TMEM38B: variants seen among roughly 807,000 people sequenced by gnomAD.
TMEM38B encodes the protein transmembrane protein 38B, also known as trimeric intracellular cation channel type B.
A neutral mutation model predicts 28.7 loss-of-function variants in TMEM38B; 24 were observed. The ratio of observed to expected loss-of-function variants is 0.84; its 90% CI spans 0.61 to 1.18. The LOEUF is 1.18. Ranked by LOEUF, TMEM38B falls within the 50% of genes most tolerant of loss-of-function variation. The pLI, the probability that TMEM38B is intolerant of heterozygous loss-of-function variation, is 0.00. For synonymous variants in TMEM38B, 131 were observed against 127.7 expected, an observed-to-expected ratio of 1.03 and a Z score of -0.17; for missense variants, 380 against 350.9, an observed-to-expected ratio of 1.08 and a Z score of -0.66.
intron 1 of TMEM38B, among the ~76,000 whole-genome samples, chr9:105,703,264 C>G (rs1211227198): frequency 3.3e-5 from 5 of 152,276 alleles, no homozygotes; most frequent in African/African-American, 1.2e-4. Context: ...GCGGGTGAAT[C>G]ACTTGAGGCC....
At chr9:105,697,656 A>G (rs994878446) in intron 1 of TMEM38B, among the ~76,000 whole-genome samples, 4 of 151,826 alleles carry the variant, frequency 2.6e-5, no homozygotes, top group East Asian at 1.9e-4. Context: ...TATTCATTCT[A>G]TTTATGTCTG....
At chr9:105,756,292 G>A (rs1837830011) in intron 5 of TMEM38B, among the ~76,000 whole-genome samples, 1 of 152,070 alleles carries the variant, frequency 6.6e-6, no homozygotes, top group Non-Finnish European at 1.5e-5. Flanking sequence ...CAGTTGTCCT[G>A]GCTAGAACCT....
At chr9:105,730,535 A>G (rs556569362) in intron 4 of TMEM38B, among the ~76,000 whole-genome samples, 16 of 151,758 alleles carry the variant, frequency 1.1e-4, no homozygotes, top group African/African-American at 3.9e-4. Flanking sequence ...AATTCTCTTT[A>G]TTCGTTGTTG....
intron 2 of TMEM38B, among the ~76,000 whole-genome samples, chr9:105,719,890 A>G (rs572526904): frequency 4.3e-4 from 65 of 152,132 alleles, no homozygotes; most frequent in African/African-American, 1.5e-3. Context: ...CCCCTTTCTT[A>G]ATGTAATCTA....
At chr9:105,767,186 CTGTT>C (rs1200410497) in intron 5 of TMEM38B, among the ~76,000 whole-genome samples, 13 of 151,486 alleles carry the variant, frequency 8.6e-5, no homozygotes, top group Non-Finnish European at 1.8e-4. Flanking sequence ...TGTTACAACA[CTGTT>C]TGTTGAAAAG....
intron 4 of TMEM38B, among the ~76,000 whole-genome samples, chr9:105,742,278 G>A (rs1837235698): frequency 6.6e-6 from 1 of 152,324 alleles, no homozygotes; most frequent in Admixed American, 6.5e-5. Context: ...CCCATAGGCT[G>A]GATTCAGGTG....
intron 1 of TMEM38B, among the ~76,000 whole-genome samples, 186 bp from the exon 2 acceptor site, chr9:105,705,411 T>TTAACAA (rs1835618262): frequency 6.6e-6 from 1 of 152,216 alleles, no homozygotes; most frequent in Non-Finnish European, 1.5e-5. Context: ...ATTAACAAAA[T>TTAACAA]GTTTCCAGTC....
intron 2 of TMEM38B, among the ~76,000 whole-genome samples, chr9:105,707,534 C>A (rs896234182): frequency 4.6e-5 from 7 of 151,800 alleles, no homozygotes; most frequent in Non-Finnish European, 8.8e-5. Flanking sequence ...GAATATGTAA[C>A]CAGTTCTAAA....
rs567705464 is a variant in TMEM38B, at chr9:105,694,575, C to G, written c.-86C>G. On this transcript the variant is annotated 5_prime_UTR_variant, in exon 1 of 6. Coordinates refer to ENST00000374692, the MANE Select transcript of TMEM38B (RefSeq NM_018112.3). ...GCCGGCGCGGAGGAGCGGGCGGCCG[C>G]GGCTGTGCCCTCTCCTACTCCTCAC... The G allele has an allele frequency of 2.0e-6, 2 of 1,019,130 alleles. No individual in the cohort carries two copies. Among genetic ancestry groups the G allele is most frequent in the Admixed American group, 4.9e-5 (2 of 40,834 alleles). 63.1% of individuals were successfully genotyped at this position (1,019,130 alleles called of 1,614,324 possible). A position where few individuals can be genotyped will look rare whatever the true frequency, so the allele number is the denominator to read the frequency against.
chr9:105,730,597 A>G (rs1025108740), intron 4 of TMEM38B, among the ~76,000 whole-genome samples: 1 of 152,118 alleles, frequency 6.6e-6, no homozygotes, highest in Non-Finnish European at 1.5e-5. Context: ...GTTAGGGAGG[A>G]TTCCCTCTTT....
At chr9:105,741,217 TTC>T (rs1183493387) in intron 4 of TMEM38B, among the ~76,000 whole-genome samples, 2 of 152,318 alleles carry the variant, frequency 1.3e-5, no homozygotes, top group Non-Finnish European at 2.9e-5. Context: ...GATTTTAAAT[TTC>T]TCTGTTTTTA....
intron 5 of TMEM38B, chr9:105,759,699 C>G: frequency 6.3e-7 from 1 of 1,598,342 alleles, no homozygotes; most frequent in South Asian, 1.1e-5. Flanking sequence ...AGTCTAAGCC[C>G]AAACAGGAAT....
intron 4 of TMEM38B, among the ~76,000 whole-genome samples, chr9:105,723,147 GAAAT>G (rs1836381311): frequency 1.3e-5 from 2 of 152,152 alleles, no homozygotes; most frequent in Non-Finnish European, 2.9e-5. Context: ...AAAGATTAGA[GAAAT>G]AACCCATTGT....
chr9:105,771,703 G>A (rs1342699440), intron 5 of TMEM38B, among the ~76,000 whole-genome samples: 1 of 152,086 alleles, frequency 6.6e-6, no homozygotes, highest in Non-Finnish European at 1.5e-5. Flanking sequence ...ATCCAATAAT[G>A]GCATAAACTT....
chr9:105,734,322 T>C (rs1836885879), intron 4 of TMEM38B, among the ~76,000 whole-genome samples: 1 of 152,164 alleles, frequency 6.6e-6, no homozygotes, highest in South Asian at 2.1e-4. Flanking sequence ...GTGACTTTAA[T>C]ATTATTAAAT....
At position 105,694,590 on chromosome 9, in the gene TMEM38B, C is replaced by G. The variant is rs922758638; in HGVS notation, c.-71C>G. On this transcript the variant is annotated 5_prime_UTR_variant, in exon 1 of 6. Transcript: ENST00000374692. ...CGGGCGGCCGCGGCTGTGCCCTCTC[C>G]TACTCCTCACCGCGCGAGCGCGGGG... 4.5e-6 allele frequency: 6 copies of G among 1,324,716 alleles called. No homozygotes were observed. The highest frequency in any genetic ancestry group is 5.4e-6 in the Non-Finnish European group (5 of 923,884). The allele number at this position is 1,324,716 out of a possible 1,614,324, so 82.1% of individuals were successfully genotyped here.
chr9:105,747,623 TG>T (rs1837468090), intron 4 of TMEM38B, among the ~76,000 whole-genome samples: 1 of 152,202 alleles, frequency 6.6e-6, no homozygotes, highest in Admixed American at 6.5e-5. Flanking sequence ...TGCTAGCTTT[TG>T]AATGTGTTTG....
At chr9:105,723,583 G>T (rs956445870) in intron 4 of TMEM38B, among the ~76,000 whole-genome samples, 2 of 151,878 alleles carry the variant, frequency 1.3e-5, no homozygotes, top group Admixed American at 6.6e-5. Flanking sequence ...GTAGAGACAG[G>T]GTCTCATCTC....
At chr9:105,759,219 T>C (rs117983660) in intron 5 of TMEM38B, 17,065 of 717,046 alleles carry the variant, frequency 0.024, 258 homozygotes, top group Non-Finnish European at 0.029. Context: ...TTATGAATTA[T>C]TTGTGAACAT....
Sources: allele counts gnomAD v4.1 joint callset (sites outside exome capture counted in the v4.1 genomes callset), GRCh38; gene constraint gnomAD v4.1.1; transcripts MANE v1.5; gene names NCBI Gene and HGNC (gene_info 2026-07-23, HGNC 2026-07-21).